LEPR: variants seen among roughly 807,000 people sequenced by gnomAD.
LEPR encodes the protein OB receptor.
In LEPR, 56 loss-of-function variants were observed where a neutral mutation model predicts 114.7. The ratio of observed to expected loss-of-function variants is 0.49; its 90% CI spans 0.39 to 0.61. The LOEUF (loss-of-function observed/expected upper bound fraction) is 0.61. LEPR is among the 20% of genes least tolerant of loss of function. The probability of loss-of-function intolerance (pLI) is 0.00; values close to 1 mark genes in which losing one functional copy is unlikely to be tolerated. For synonymous variants in LEPR, 443 were observed against 461.4 expected, an observed-to-expected ratio of 0.96 and a Z score of 0.51; for missense variants, 1,202 against 1,352.9, an observed-to-expected ratio of 0.89 and a Z score of 1.75.
At chr1:65,550,052 G>T (rs1652171390) in intron 2 of LEPR, among the ~76,000 whole-genome samples, 1 of 152,176 alleles carries the variant, frequency 6.6e-6, no homozygotes, top group African/African-American at 2.4e-5. Context: ...TCAGCTGCAG[G>T]TCTGTTGGAG....
At chr1:65,491,384 A>C (rs1647862344) in intron 2 of LEPR, among the ~76,000 whole-genome samples, 1 of 152,144 alleles carries the variant, frequency 6.6e-6, no homozygotes, top group Non-Finnish European at 1.5e-5. Flanking sequence ...ATTTGGGTTT[A>C]GATTGTAAAA....
chr1:65,486,203 A>T (rs546585382), intron 2 of LEPR, among the ~76,000 whole-genome samples: 9 of 152,196 alleles, frequency 5.9e-5, no homozygotes, highest in African/African-American at 1.9e-4. Context: ...AACAGAATAG[A>T]TATATATTTT....
intron 1 of LEPR, among the ~76,000 whole-genome samples, chr1:65,423,465 A>G (rs1279016041): frequency 2.6e-5 from 4 of 152,192 alleles, no homozygotes; most frequent in African/African-American, 9.6e-5. Flanking sequence ...TGCAGTACCT[A>G]GCTTTGACAG....
At chr1:65,472,165 C>G (rs1164848572) in intron 2 of LEPR, among the ~76,000 whole-genome samples, 4 of 151,732 alleles carry the variant, frequency 2.6e-5, no homozygotes, top group Non-Finnish European at 4.4e-5. Flanking sequence ...CATCATGTAT[C>G]TAGAAGGTAT....
intron 5 of LEPR, among the ~76,000 whole-genome samples, chr1:65,588,889 A>C (rs145327410): frequency 6.6e-6 from 1 of 152,248 alleles, no homozygotes; most frequent in African/African-American, 2.4e-5. Context: ...AGTTGTCACA[A>C]GTGTTAGAAT....
At chr1:65,546,677 G>T (rs1458945148) in intron 2 of LEPR, among the ~76,000 whole-genome samples, 1 of 152,144 alleles carries the variant, frequency 6.6e-6, no homozygotes, top group Non-Finnish European at 1.5e-5. Context: ...AGACTTTGCC[G>T]AAGTTGCTTA....
At chr1:65,610,410 C>T in intron 14 of LEPR, 114 bp downstream of exon 14, 1 of 896,200 alleles carries the variant, frequency 1.1e-6, no homozygotes, top group East Asian at 2.7e-5. Context: ...CCTGTATTTT[C>T]ATTGCATTTA....
chr1:65,510,866 T>C (rs1366794750), intron 2 of LEPR, among the ~76,000 whole-genome samples: 1 of 152,136 alleles, frequency 6.6e-6, no homozygotes, highest in Non-Finnish European at 1.5e-5. Flanking sequence ...ATATGTTTTA[T>C]AATGTCAAGT....
At chr1:65,619,132 A>G (rs931834797) in intron 16 of LEPR, among the ~76,000 whole-genome samples, 2 of 152,186 alleles carry the variant, frequency 1.3e-5, no homozygotes, top group African/African-American at 4.8e-5. Context: ...TATCATTCTA[A>G]GGACTCATAC....
intron 19 of LEPR, chr1:65,634,941 A>T: frequency 2.5e-6 from 2 of 813,376 alleles, no homozygotes; most frequent in Non-Finnish European, 3.0e-6. Flanking sequence ...ATAATAGGAA[A>T]GTTGTATTAA....
At chr1:65,603,932 GTATTA>G (rs1326471014) in intron 10 of LEPR, among the ~76,000 whole-genome samples, 2 of 151,840 alleles carry the variant, frequency 1.3e-5, no homozygotes, top group Non-Finnish European at 2.9e-5. Flanking sequence ...TCTGAAATTG[GTATTA>G]TATTAACTTA....
rs994427285 is a variant in LEPR, at chr1:65,638,282, A to G, written c.*1267A>G. On this transcript the variant is annotated 3_prime_UTR_variant, in exon 20 of 20. Transcript: ENST00000349533. ...ATGCTGGATGAGAAATTAAGTGAGA[A>G]TTGCACAGATCTCATGTTTGCCTTT... The G allele has an allele frequency of 4.6e-5, 7 of 152,196 alleles. No homozygotes were observed. Among genetic ancestry groups the G allele is most frequent in the African/African-American group, 1.7e-4 (7 of 41,442 alleles). The allele number at this position is 152,196 out of a possible 1,614,324, so 9.4% of individuals were successfully genotyped here.
At chr1:65,471,305 C>T (rs563861098) in intron 2 of LEPR, among the ~76,000 whole-genome samples, 1 of 152,078 alleles carries the variant, frequency 6.6e-6, no homozygotes, top group African/African-American at 2.4e-5. Context: ...TGCCCTCATA[C>T]ATTTATGATA....
intron 13 of LEPR, 45 bp from the exon 14 acceptor site, chr1:65,610,169 A>T: frequency 3.1e-6 from 5 of 1,614,140 alleles, no homozygotes; most frequent in Non-Finnish European, 4.2e-6. Flanking sequence ...AATATGGCTG[A>T]AAAGTATTTC....
intron 2 of LEPR, chr1:65,429,912 C>T (rs771871591): frequency 3.2e-6 from 5 of 1,546,214 alleles, no homozygotes; most frequent in Non-Finnish European, 4.4e-6. Context: ...TCCCCCATCC[C>T]CCATTTCATT....
intron 7 of LEPR, among the ~76,000 whole-genome samples, chr1:65,597,463 GAATGGAAGGTTGCAATAATA>G (rs1250396822): frequency 6.6e-6 from 1 of 152,080 alleles, no homozygotes; most frequent in Non-Finnish European, 1.5e-5. Flanking sequence ...TGCTGGTAGG[GAATGGAAGGTTGCAATAATA>G]AATGGAGGTT....
intron 2 of LEPR, among the ~76,000 whole-genome samples, chr1:65,504,086 T>C (rs973217074): frequency 2.0e-5 from 3 of 152,126 alleles, no homozygotes; most frequent in Non-Finnish European, 2.9e-5. Context: ...TGGCCTACGC[T>C]GGGACGATTT....
At chr1:65,509,435 TATG>T (rs1178587714) in intron 2 of LEPR, among the ~76,000 whole-genome samples, 1 of 150,598 alleles carries the variant, frequency 6.6e-6, no homozygotes, top group Non-Finnish European at 1.5e-5. Context: ...CTGCATCTAT[TATG>T]ATGATCATAT....
chr1:65,433,872 C>A, intron 2 of LEPR: 1 of 985,200 alleles, frequency 1.0e-6, no homozygotes, highest in Non-Finnish European at 1.2e-6. Context: ...GAGAGAATTT[C>A]TTGATGTTTT....
Sources: gnomAD v4.1 joint callset for allele counts (sites outside exome capture counted in the v4.1 genomes callset) on GRCh38, gnomAD v4.1.1 for gene constraint, MANE v1.5 for transcripts, NCBI Gene and HGNC (gene_info 2026-07-23, HGNC 2026-07-21) for gene names.